The following ANKRA2 variants were observed in gnomAD, a reference collection of about 807,000 sequenced individuals.
The protein encoded by ANKRA2 is ankyrin repeat family A protein 2.
Under a neutral mutation model 37.8 loss-of-function variants are expected in ANKRA2, and 33 were observed. The observed-to-expected ratio is 0.87, with a 90% CI of 0.66 to 1.17. The LOEUF is 1.17. Among genes scored for constraint, ANKRA2 ranks in the 50% most tolerant of loss-of-function variants. The pLI is 0.00. For missense variants in ANKRA2, 326 were observed against 373.7 expected, an observed-to-expected ratio of 0.87 and a Z score of 1.05; for synonymous variants, 126 against 132.3, an observed-to-expected ratio of 0.95 and a Z score of 0.33.
rs1446506323 is a variant in ANKRA2 at position 73,562,958 on chromosome 5, T to C, written c.-77A>G. On this transcript the variant is annotated 5_prime_UTR_variant, in exon 2 of 9. Coordinates refer to ENST00000296785, the MANE Select transcript of ANKRA2 (RefSeq NM_023039.5). The stretch of plus-strand genomic sequence containing the variant: ...GGTTTTGTAAGAGCAGTATCCAGTG[T>C]GTTCTTGGAATCTGGATATTTAAAA... The C allele has an allele frequency of 3.2e-5, 42 of 1,328,988 alleles. No individual in the cohort carries two copies. Among genetic ancestry groups the C allele is most frequent in the African/African-American group, 4.4e-5 (3 of 67,892 alleles). 82.3% of individuals were successfully genotyped at this position (1,328,988 alleles called of 1,614,324 possible).
At position 73,555,558 on chromosome 5, in the gene ANKRA2, T is replaced by C. The variant is rs1183862438; in HGVS notation, c.542A>G (p.Glu181Gly). The change falls in exon 5 of 9, where the codon GAA becomes GGA. Residue 181 changes from glutamate to glycine, a missense_variant. Around this residue, in one of 3 missense-constraint regions of ANKRA2, gnomAD observed 228 missense variants for 260.2 expected, o/e 0.88. Transcript: ENST00000296785. ...AGCCCACATCAGAGGAGTAAATCCTTCTTCATCCGTGTGATTGATAACATT... is the reference window on the plus strand; with the variant it reads ...AGCCCACATCAGAGGAGTAAATCCTCCTTCATCCGTGTGATTGATAACATT... Reference protein sequence around the residue: ...QENVINHTDEEGFTPLMWAAA... With the variant: ...QENVINHTDEGGFTPLMWAAA... The C allele has an allele frequency of 6.2e-7, 1 of 1,613,984 alleles. No individual in the cohort carries two copies. The highest frequency in any genetic ancestry group is 8.5e-7 in the Non-Finnish European group (1 of 1,179,968).
chr5:73,558,601 C>G (rs1418381068), intron 3 of ANKRA2, among the ~76,000 whole-genome samples: 1 of 152,176 alleles, frequency 6.6e-6, no homozygotes, highest in Non-Finnish European at 1.5e-5. Flanking sequence ...GTGGTGTGAT[C>G]TCAGCTCACT....
Position 73,554,852 on chromosome 5 carries a change from C to G in ANKRA2, c.738+9G>C. ...TAGAGTCATTTTAAATTTAGTATTA[C>G]AAACTTACCCAATCATATTCATTTA... is the stretch of plus-strand genomic sequence containing the variant. On this transcript the variant is annotated intron_variant, in intron 6 of 8. Transcript: ENST00000296785. 1 of 1,609,916 alleles carries G rather than the reference C, an allele frequency of 6.2e-7. No homozygotes were observed. The highest frequency in any genetic ancestry group is 8.5e-7 in the Non-Finnish European group (1 of 1,178,526).
At chr5:73,553,340 G>A in intron 8 of ANKRA2, 66 bp downstream of exon 8, 1 of 1,177,884 alleles carries the variant, frequency 8.5e-7, no homozygotes, top group Non-Finnish European at 1.2e-6. Flanking sequence ...AGATGGTTTG[G>A]AGTACTGGCT....
chr5:73,561,786 C>T (rs819583), intron 2 of ANKRA2, among the ~76,000 whole-genome samples: 102,819 of 151,658 alleles, frequency 0.68, 35,095 homozygotes, highest in East Asian at 0.83. Flanking sequence ...AAAAAGTCTA[C>T]ATAACCATAG....
chr5:73,556,969 T>C (rs916685132), intron 4 of ANKRA2, among the ~76,000 whole-genome samples: 2 of 148,824 alleles, frequency 1.3e-5, no homozygotes, highest in African/African-American at 4.9e-5. Flanking sequence ...ATATAAAATA[T>C]ATATTTACAT....
At chr5:73,555,314 G>T in intron 5 of ANKRA2, 174 bp downstream of exon 5, 1 of 1,240,380 alleles carries the variant, frequency 8.1e-7, no homozygotes, top group Non-Finnish European at 1.1e-6. Flanking sequence ...ACTGTTGCAT[G>T]TATGATTAGT....
intron 2 of ANKRA2, 176 bp from the exon 3 acceptor site, chr5:73,561,464 G>T: frequency 3.2e-6 from 2 of 624,616 alleles, no homozygotes; most frequent in Non-Finnish European, 5.1e-6. Flanking sequence ...ATAATGGTTA[G>T]TCAAAAAAAA....
chr5:73,558,663 T>G (rs1024774286), intron 3 of ANKRA2, among the ~76,000 whole-genome samples: 1 of 152,152 alleles, frequency 6.6e-6, no homozygotes, highest in African/African-American at 2.4e-5. Context: ...GTGCCCCAAA[T>G]AGCTGGAACT....
chr5:73,555,710 A>C, intron 4 of ANKRA2, 125 bp from the exon 5 acceptor site: 12 of 823,338 alleles, frequency 1.5e-5, no homozygotes, highest in Non-Finnish European at 2.1e-5. Flanking sequence ...TGCTGACTTT[A>C]TGTTGGTGTC....
At position 73,565,445 on chromosome 5, in the gene ANKRA2, C is replaced by A. The variant is rs1409470636; in HGVS notation, c.-418G>T. ...GCCGCGACGTCACTTCCGATTTCTTCTTTCGCCTTCTGGCTAAAAAACGTT... is the reference window on the plus strand; with the variant it reads ...GCCGCGACGTCACTTCCGATTTCTTATTTCGCCTTCTGGCTAAAAAACGTT... On this transcript the variant is annotated 5_prime_UTR_variant, in exon 1 of 9. Coordinates refer to ENST00000296785, the MANE Select transcript of ANKRA2 (RefSeq NM_023039.5). The A allele has an allele frequency of 4.1e-6, 1 of 244,102 alleles. No homozygotes were observed. Among genetic ancestry groups the A allele is most frequent in the African/African-American group, 2.3e-5 (1 of 43,556 alleles). The allele number at this position is 244,102 out of a possible 1,614,324, so 15.1% of individuals were successfully genotyped here. A position where few individuals can be genotyped will look rare whatever the true frequency, so the allele number is the denominator to read the frequency against.
intron 5 of ANKRA2, 65 bp from the exon 6 acceptor site, chr5:73,555,051 T>C (rs192928803): frequency 1.3e-6 from 2 of 1,560,322 alleles, no homozygotes; most frequent in Admixed American, 2.0e-5. Context: ...GTTATTCCTG[T>C]CAACAATAAT....
chr5:73,554,193 G>A, intron 7 of ANKRA2, 129 bp downstream of exon 7: 2 of 841,254 alleles, frequency 2.4e-6, no homozygotes, highest in Non-Finnish European at 3.7e-6. Context: ...GTGCTCTAAG[G>A]GTGAAGAGCA....
Position 73,562,850 on chromosome 5 carries a change from G to T in ANKRA2, c.32C>A (p.Ala11Asp). The stretch of plus-strand genomic sequence containing the variant: ...GGGACACTCTTCCACGATAAGCTGG[G>T]CTCCAATATCCAGATTTGTTGATGT... MDTSTNLDIG[A>D]QLIVEECPST... The change falls in exon 2 of 9, where the codon GCC (alanine) becomes GAC (aspartate). Residue 11 changes from alanine (A) to aspartate (D), a missense_variant. This residue lies in a region of ANKRA2 where 93 missense variants were observed against 91.1 expected (regional missense o/e 1.02). Transcript: ENST00000296785. 1 of 1,612,112 alleles carries T rather than the reference G, an allele frequency of 6.2e-7. No homozygotes were observed. The highest frequency in any genetic ancestry group is 8.5e-7 in the Non-Finnish European group (1 of 1,178,588).
At chr5:73,557,969 T>A (rs543162468) in intron 3 of ANKRA2, among the ~76,000 whole-genome samples, 1 of 151,986 alleles carries the variant, frequency 6.6e-6, no homozygotes, top group Middle Eastern at 3.4e-3. Context: ...CCCAGCTACT[T>A]GGGAGGCTGA....
chr5:73,553,555 T>C (rs1382467206), intron 7 of ANKRA2, 69 bp from the exon 8 acceptor site: 10 of 1,301,668 alleles, frequency 7.7e-6, no homozygotes, highest in South Asian at 2.4e-5. Context: ...TATTGGCTCA[T>C]GTACAAATAG....
Position 73,552,865 on chromosome 5 carries a change from G to A in ANKRA2, c.887-13C>T. 1.3e-6 allele frequency: 2 copies of A among 1,586,592 alleles called. No individual in the cohort carries two copies. Among genetic ancestry groups the A allele is most frequent in the Non-Finnish European group, 1.7e-6 (2 of 1,159,402 alleles). Reference sequence around the variant, plus strand: ...ATAACCTGTTGAACTAGAACAGATAGGTAATCAAGATTACAGCACAGTGAC... The same window carrying A: ...ATAACCTGTTGAACTAGAACAGATAAGTAATCAAGATTACAGCACAGTGAC... On this transcript the variant is annotated splice_polypyrimidine_tract_variant and intron_variant, in intron 8 of 8. Coordinates refer to ENST00000296785, the MANE Select transcript of ANKRA2 (RefSeq NM_023039.5).
At chr5:73,554,291 C>T (rs183295657) in intron 7 of ANKRA2, 31 bp downstream of exon 7, 3 of 1,594,444 alleles carry the variant, frequency 1.9e-6, no homozygotes, top group East Asian at 2.2e-5. Context: ...CAAGTCCTCA[C>T]ATGGCATTTT....
chr5:73,561,254 TC>T lies in ANKRA2; in HGVS notation c.323del (p.Gly108GlufsTer4). The T allele has an allele frequency of 6.2e-7, 1 of 1,613,428 alleles. No individual in the cohort carries two copies. Among genetic ancestry groups the T allele is most frequent in the Non-Finnish European group, 8.5e-7 (1 of 1,179,566 alleles). On this transcript the variant is annotated frameshift_variant, in exon 3 of 9. Coordinates refer to ENST00000296785, the MANE Select transcript of ANKRA2 (RefSeq NM_023039.5). LOFTEE classifies it high-confidence loss of function. ...GGGTGTAGACATGCCTTACTTGAAT[TC>T]CCGGAGAAGGAGATGTATGGATATT... ...ECNIHTSPSPGIQVRHVYTPS... is the reference protein window; with the variant it reads ...ECNIHTSPSPXIQVRHVYTPS...
Sources: allele counts gnomAD v4.1 joint callset (sites outside exome capture counted in the v4.1 genomes callset), GRCh38; gene constraint gnomAD v4.1.1; regional missense constraint gnomAD v4.1.1; transcripts MANE v1.5; gene names NCBI Gene and HGNC (gene_info 2026-07-23, HGNC 2026-07-21).